TRMT11: variants seen among roughly 807,000 people sequenced by gnomAD.
TRMT11 encodes the protein tRNA (guanine(10)-N(2))-methyltransferase TRMT11.
TRMT11 carries 53 observed loss-of-function variants against 62.8 expected under a neutral mutation model. The observed-to-expected ratio is 0.84, with a 90% CI of 0.68 to 1.06. TRMT11 has a LOEUF of 1.06. TRMT11 is among the 50% of genes least tolerant of loss of function. TRMT11 has a pLI of 0.00. For missense variants in TRMT11, 556 were observed against 553.4 expected, an observed-to-expected ratio of 1.00 and a Z score of -0.05; for synonymous variants, 188 against 190.3, an observed-to-expected ratio of 0.99 and a Z score of 0.10.
intron 7 of TRMT11, among the ~76,000 whole-genome samples, chr6:126,000,948 C>T (rs530047480): frequency 8.9e-4 from 135 of 152,230 alleles, no homozygotes; most frequent in African/African-American, 2.7e-3. Context: ...AAAGAACATG[C>T]ATGTATCCTT....
intron 16 of TRMT11, among the ~76,000 whole-genome samples, chr6:126,046,861 T>G (rs1160325585): frequency 6.6e-6 from 1 of 152,196 alleles, no homozygotes; most frequent in East Asian, 1.9e-4. Flanking sequence ...GTTATATGCT[T>G]GAACTTTTCT....
intron 17 of TRMT11, among the ~76,000 whole-genome samples, chr6:126,058,696 AAG>A (rs1302637189): frequency 2.0e-5 from 3 of 152,360 alleles, no homozygotes; most frequent in East Asian, 3.9e-4. Context: ...ATAAGAAGAA[AAG>A]AGAGAAGAAT....
rs1359268148 is a variant in TRMT11 at position 125,988,193 on chromosome 6, G to T, written c.72+1571G>T. 2.6e-5 allele frequency among the ~76,000 whole-genome samples: 4 copies of T among 152,226 alleles called. No individual in the cohort carries two copies. The East Asian group carries it at 7.7e-4, about 29-fold the overall frequency. On this transcript the variant is annotated intron_variant, in intron 1 of 12. Coordinates refer to ENST00000334379, the MANE Select transcript of TRMT11 (RefSeq NM_001031712.3). Reference sequence around the variant, plus strand: ...TTTTTAGTGAGAAAAGAATGAAAAAGTGTCATTGATAGTCTCAATTAGAAG... The same window carrying T: ...TTTTTAGTGAGAAAAGAATGAAAAATTGTCATTGATAGTCTCAATTAGAAG...
intron 11 of TRMT11, among the ~76,000 whole-genome samples, chr6:126,018,893 T>A (rs1454113628): frequency 1.3e-5 from 2 of 152,210 alleles, no homozygotes; most frequent in African/African-American, 4.8e-5. Context: ...TATTTTATTT[T>A]TTTTTTGAGA....
intron 17 of TRMT11, among the ~76,000 whole-genome samples, chr6:126,056,950 T>C (rs1424240877): frequency 1.3e-5 from 2 of 152,204 alleles, no homozygotes; most frequent in African/African-American, 4.8e-5. Context: ...TTGGGCCCAC[T>C]GAGGCTTTCT....
rs565562359 is a variant in TRMT11, at chr6:126,113,054, C to T, written c.*1526+100C>T. Among the ~76,000 whole-genome samples the T allele has an allele frequency of 2.0e-5, 3 of 152,074 alleles. No homozygotes were observed. The East Asian group carries it at 5.8e-4, about 29-fold the overall frequency. On this transcript the variant is annotated intron_variant and NMD_transcript_variant, in intron 18 of 22. Transcript: ENST00000648977. ...ACACTGGAGACATAGAGGTGAACTC[C>T]CTCCCTGGCCTTCAGGTACTCACAT...
chr6:126,086,561 C>T (rs764744821), intron 17 of TRMT11, among the ~76,000 whole-genome samples: 6 of 152,152 alleles, frequency 3.9e-5, no homozygotes, highest in African/African-American at 1.4e-4. Flanking sequence ...TACCTCATCC[C>T]GTCTCCCTGC....
At chr6:126,056,590 CCTTT>C (rs1361971498) in intron 17 of TRMT11, among the ~76,000 whole-genome samples, 1 of 152,092 alleles carries the variant, frequency 6.6e-6, no homozygotes, top group African/African-American at 2.4e-5. Context: ...CTACTCAACT[CCTTT>C]CTTGTTTGTA....
the TRMT11 span, among the ~76,000 whole-genome samples, chr6:126,209,564 C>CAA: frequency 1.7e-4 from 23 of 138,184 alleles, no homozygotes; most frequent in South Asian, 4.6e-4. Context: ...ACTAAAAATA[C>CAA]AAAAAAAAAA....
At chr6:126,269,897 G>A in the TRMT11 span, among the ~76,000 whole-genome samples, 6 of 152,280 alleles carry the variant, frequency 3.9e-5, no homozygotes, top group Middle Eastern at 6.8e-3. Flanking sequence ...GGATAAGTCA[G>A]AAAACATTGA....
the TRMT11 span, among the ~76,000 whole-genome samples, chr6:126,241,517 A>G: frequency 6.6e-6 from 1 of 152,214 alleles, no homozygotes; most frequent in African/African-American, 2.4e-5. Context: ...ACCAATATCC[A>G]TGAAGAACAT....
chr6:126,269,866 T>A, the TRMT11 span, among the ~76,000 whole-genome samples: 2 of 152,106 alleles, frequency 1.3e-5, no homozygotes, highest in Non-Finnish European at 2.9e-5. Context: ...TATCTGCTGA[T>A]TTTTTCAGAA....
At chr6:126,026,007 G>A (rs1236162882) in intron 12 of TRMT11, among the ~76,000 whole-genome samples, 2 of 152,170 alleles carry the variant, frequency 1.3e-5, no homozygotes, top group Non-Finnish European at 2.9e-5. Context: ...TGGCACATAT[G>A]TAGTAAAGAA....
chr6:125,998,360 T>A, intron 5 of TRMT11, 45 bp downstream of exon 5: 1 of 1,380,582 alleles, frequency 7.2e-7, no homozygotes, highest in Non-Finnish European at 1.0e-6. Flanking sequence ...ATGAATGCAG[T>A]CTGGCCATTG....
At chr6:126,271,299 G>T in the TRMT11 span, among the ~76,000 whole-genome samples, 1 of 142,844 alleles carries the variant, frequency 7.0e-6, no homozygotes, top group African/African-American at 2.6e-5. Context: ...GGGAGGTGGA[G>T]GTTGCAGTGA....
chr6:126,181,411 T>G (rs1208510102), intron 1 of TRMT11, among the ~76,000 whole-genome samples: 1 of 152,192 alleles, frequency 6.6e-6, no homozygotes, highest in Non-Finnish European at 1.5e-5. Flanking sequence ...GACAACAGCC[T>G]TGCTTAAGAT....
chr6:126,169,922 G>A (rs1284172114), intron 21 of TRMT11, among the ~76,000 whole-genome samples: 2 of 151,850 alleles, frequency 1.3e-5, no homozygotes, highest in Non-Finnish European at 2.9e-5. Context: ...TTTTATATGT[G>A]TTCAGGTTCC....
intron 1 of TRMT11, among the ~76,000 whole-genome samples, chr6:126,194,565 T>C (rs1367102546): frequency 2.0e-5 from 3 of 152,226 alleles, no homozygotes; most frequent in Non-Finnish European, 4.4e-5. Context: ...ACTTTGGAAC[T>C]GCTCTAAATG....
intron 12 of TRMT11, among the ~76,000 whole-genome samples, chr6:126,023,702 T>A (rs1331974373): frequency 6.6e-6 from 1 of 152,134 alleles, no homozygotes; most frequent in East Asian, 1.9e-4. Context: ...AATAATATGT[T>A]GTATGTTGAA....
Sources: gnomAD v4.1 joint callset for allele counts (sites outside exome capture counted in the v4.1 genomes callset) on GRCh38, gnomAD v4.1.1 for gene constraint, MANE v1.5 for transcripts, NCBI Gene and HGNC (gene_info 2026-07-23, HGNC 2026-07-21) for gene names.